Variants in JAM3 observed in about 807,000 individuals in gnomAD.
The protein encoded by JAM3 is junctional adhesion molecule C.
JAM3 carries 31 observed loss-of-function variants against 39.4 expected under a neutral mutation model. The observed-to-expected ratio is 0.79, with a 90% CI of 0.59 to 1.06. JAM3 has a LOEUF of 1.06. Ranked by LOEUF, JAM3 falls within the 50% of genes least tolerant of loss-of-function variation. The pLI is 0.00. For missense variants in JAM3, 455 were observed against 391.4 expected (o/e 1.16, Z -1.37); for synonymous variants, 182 against 148.7 (o/e 1.22, Z -1.63).
chr11:134,146,452 C>A (rs2120364589), intron 6 of JAM3, among the ~76,000 whole-genome samples: 1 of 152,242 alleles, frequency 6.6e-6, no homozygotes, highest in South Asian at 2.1e-4. Flanking sequence ...CAAAGCTTAG[C>A]CCCTAGAGTA....
intron 1 of JAM3, among the ~76,000 whole-genome samples, chr11:134,127,819 A>C (rs1184163288): frequency 6.6e-6 from 1 of 152,218 alleles, no homozygotes; most frequent in Non-Finnish European, 1.5e-5. Context: ...CACATTAAGA[A>C]AGGCATAGAA....
At chr11:134,104,851 A>C (rs1328097807) in intron 1 of JAM3, among the ~76,000 whole-genome samples, 1 of 152,182 alleles carries the variant, frequency 6.6e-6, no homozygotes, top group African/African-American at 2.4e-5. Flanking sequence ...TCTGAAATTG[A>C]GGCAATAATT....
At chr11:134,100,413 C>G (rs1432320178) in intron 1 of JAM3, among the ~76,000 whole-genome samples, 2 of 152,090 alleles carry the variant, frequency 1.3e-5, no homozygotes, top group East Asian at 3.9e-4. Context: ...CATTGATGGC[C>G]CAGATGGTGA....
Position 134,114,512 on chromosome 11 carries a change from C to T in JAM3, c.77-25339C>T, listed in dbSNP as rs539536610. Reference sequence around the variant, plus strand: ...TGGTTGTAGATGTGTGGTATTATTTCTGAGGGCTCTGTTGTGTTCCATTGG... The same window carrying T: ...TGGTTGTAGATGTGTGGTATTATTTTTGAGGGCTCTGTTGTGTTCCATTGG... On this transcript the variant is annotated intron_variant, in intron 1 of 8. Transcript: ENST00000299106. Among the ~76,000 whole-genome samples, 8 of 152,286 alleles carry T rather than the reference C, an allele frequency of 5.3e-5. No individual in the cohort carries two copies. In the South Asian group the frequency reaches 1.2e-3, roughly 24 times the overall value.
intron 1 of JAM3, among the ~76,000 whole-genome samples, chr11:134,135,479 G>A (rs776557600): frequency 1.3e-5 from 2 of 151,870 alleles, no homozygotes; most frequent in Admixed American, 6.6e-5. Flanking sequence ...GAATAAATAC[G>A]GTATTTTTTA....
At chr11:134,130,178 A>G (rs1654232918) in intron 1 of JAM3, among the ~76,000 whole-genome samples, 2 of 152,316 alleles carry the variant, frequency 1.3e-5, no homozygotes, top group South Asian at 2.1e-4. Context: ...AAGCAATTAA[A>G]TCCTGGGAAA....
intron 6 of JAM3, 150 bp from the exon 7 acceptor site, chr11:134,148,397 T>G: frequency 1.2e-6 from 1 of 847,558 alleles, no homozygotes; most frequent in Non-Finnish European, 2.0e-6. Context: ...CTAGAAGGAT[T>G]GTAAGTGTTC....
intron 1 of JAM3, among the ~76,000 whole-genome samples, chr11:134,075,087 G>T (rs1277382315): frequency 2.6e-5 from 4 of 150,998 alleles, no homozygotes; most frequent in Non-Finnish European, 4.4e-5. Flanking sequence ...TATTTATTTG[G>T]TAGTCTCCAT....
In JAM3 at chr11:134,111,245, G is replaced by A. The variant is rs185642539; in HGVS notation, c.77-28606G>A. On this transcript the variant is annotated intron_variant, in intron 1 of 8. Transcript: ENST00000299106. ...TGCAAGCTTCGCCTCCTGGGTTCAC[G>A]CCATTCTCCTGCCTCAGCCTCCCAA... Among the ~76,000 whole-genome samples the A allele has an allele frequency of 2.8e-4, 40 of 142,802 alleles. 1 individual carries two copies. The East Asian group carries it at 7.8e-3, about 28-fold the overall frequency. 93.7% of individuals were successfully genotyped at this position (142,802 alleles called of 152,430 possible).
In JAM3 at chr11:134,111,298, C is replaced by T. The variant is rs983138732; in HGVS notation, c.77-28553C>T. Among the ~76,000 whole-genome samples, 12 of 151,984 alleles carry T rather than the reference C, an allele frequency of 7.9e-5. No homozygotes were observed. In the East Asian group the frequency reaches 1.2e-3, roughly 15 times the overall value. On this transcript the variant is annotated intron_variant, in intron 1 of 8. Transcript: ENST00000299106. Reference sequence around the variant, plus strand: ...AGCTGGGACTACAGGCCCGCCACCACGCCCTGCTAATTTTTTTTGTTTTTT... The same window carrying T: ...AGCTGGGACTACAGGCCCGCCACCATGCCCTGCTAATTTTTTTTGTTTTTT...
At chr11:134,106,417 C>T (rs1339610813) in intron 1 of JAM3, among the ~76,000 whole-genome samples, 30 of 152,034 alleles carry the variant, frequency 2.0e-4, no homozygotes, top group African/African-American at 6.3e-4. Flanking sequence ...TAGGCAATAC[C>T]ATTCAGGACA....
chr11:134,076,833 C>CTTTTTTTTTTTTTTTTTT (rs71038556), intron 1 of JAM3, among the ~76,000 whole-genome samples: 3 of 118,532 alleles, frequency 2.5e-5, no homozygotes, highest in Non-Finnish European at 3.5e-5. Context: ...ACATCTATTG[C>CTTTTTTTTTTTTTTTTTT]TTTTTTTTTT....
intron 1 of JAM3, among the ~76,000 whole-genome samples, chr11:134,104,796 C>A (rs1591784504): frequency 6.6e-6 from 1 of 152,234 alleles, no homozygotes; most frequent in East Asian, 1.9e-4. Context: ...CCTCCCAAGA[C>A]TAAACTAGGA....
chr11:134,149,058 GTATT>G (rs1943139049), intron 8 of JAM3, 84 bp from the exon 9 acceptor site: 1 of 1,463,176 alleles, frequency 6.8e-7, no homozygotes, highest in Non-Finnish European at 9.6e-7. Flanking sequence ...TATTCCATCT[GTATT>G]TAGCCCATGT....
chr11:134,095,028 A>T (rs1256264542), intron 1 of JAM3, among the ~76,000 whole-genome samples: 1 of 152,248 alleles, frequency 6.6e-6, no homozygotes. Context: ...AATGTAGTGA[A>T]TGAAAGTGTA....
At chr11:134,088,281 A>G (rs1026614138) in intron 1 of JAM3, among the ~76,000 whole-genome samples, 2 of 152,220 alleles carry the variant, frequency 1.3e-5, no homozygotes, top group Non-Finnish European at 2.9e-5. Context: ...ACATTTACCA[A>G]TGATGTATTA....
intron 1 of JAM3, chr11:134,124,318 G>A: frequency 1.3e-6 from 1 of 798,148 alleles, no homozygotes. Context: ...ACAGGGGCTG[G>A]ACGGTTCATT....
intron 1 of JAM3, among the ~76,000 whole-genome samples, chr11:134,132,185 G>A (rs1245095415): frequency 6.6e-6 from 1 of 152,168 alleles, no homozygotes; most frequent in African/African-American, 2.4e-5. Context: ...CCAGAGAGAG[G>A]TGACTCAGCA....
rs746028100 is a variant in JAM3 at position 134,144,408 on chromosome 11, G to A, written c.409+15G>A. The A allele has an allele frequency of 4.3e-5, 70 of 1,614,052 alleles. No homozygotes were observed. Among genetic ancestry groups the A allele is most frequent in the African/African-American group, 5.3e-5 (4 of 75,052 alleles). On this transcript the variant is annotated intron_variant, in intron 4 of 8. Transcript: ENST00000299106. ...AACTGTGCAAGGTAGGAGCTCATGC[G>A]AAGGTGAGACATTGCCACCATAGGA...
Sources: gnomAD v4.1 joint callset for allele counts (sites outside exome capture counted in the v4.1 genomes callset) on GRCh38, gnomAD v4.1.1 for gene constraint, MANE v1.5 for transcripts, NCBI Gene and HGNC (gene_info 2026-07-23, HGNC 2026-07-21) for gene names.